Variants in COL19A1 observed in about 807,000 individuals in gnomAD.
The protein encoded by COL19A1 is collagen type XIX alpha 1 chain, also known as collagen alpha-1(XIX) chain.
A neutral mutation model predicts 190.2 loss-of-function variants in COL19A1; 159 were observed. That is an observed-to-expected ratio of 0.84 (90% CI 0.73 to 0.95). The LOEUF is 0.95. COL19A1 is among the 40% of genes least tolerant of loss of function. The pLI, the probability that COL19A1 is intolerant of heterozygous loss-of-function variation, is 0.00. For synonymous variants in COL19A1, 509 were observed against 458.9 expected, an observed-to-expected ratio of 1.11 and a Z score of -1.39; for missense variants, 1,418 against 1,431.9, an observed-to-expected ratio of 0.99 and a Z score of 0.16.
chr6:69,961,490 T>C (rs2150045775), intron 10 of COL19A1, among the ~76,000 whole-genome samples: 1 of 152,336 alleles, frequency 6.6e-6, no homozygotes, highest in African/African-American at 2.4e-5. Context: ...TGCATCATGC[T>C]GACATTGTGG....
intron 11 of COL19A1, among the ~76,000 whole-genome samples, chr6:69,991,015 A>G (rs1776591148): frequency 6.6e-6 from 1 of 152,026 alleles, no homozygotes; most frequent in South Asian, 2.1e-4. Context: ...AATACCTGAT[A>G]GATAGTTTTG....
chr6:70,119,586 T>G (rs1784765695), intron 16 of COL19A1, among the ~76,000 whole-genome samples: 3 of 152,022 alleles, frequency 2.0e-5, no homozygotes, highest in Admixed American at 2.0e-4. Context: ...GATAGTAGAG[T>G]AGACGAGAAC....
intron 42 of COL19A1, among the ~76,000 whole-genome samples, chr6:70,178,916 C>T (rs73746892): frequency 4.5e-4 from 69 of 152,316 alleles, no homozygotes; most frequent in African/African-American, 1.6e-3. Flanking sequence ...CTCCGGTCAG[C>T]ATGCTCTCCC....
chr6:70,130,574 C>G (rs1360780503), intron 18 of COL19A1, among the ~76,000 whole-genome samples: 1 of 152,200 alleles, frequency 6.6e-6, no homozygotes, highest in Non-Finnish European at 1.5e-5. Flanking sequence ...TTTATACGGA[C>G]TTACACATTC....
intron 6 of COL19A1, 33 bp from the exon 7 acceptor site, chr6:69,932,750 T>G: frequency 7.4e-7 from 1 of 1,353,046 alleles, no homozygotes; most frequent in Non-Finnish European, 1.0e-6. Context: ...TCCAAAAAAC[T>G]AAAGATGTTT....
chr6:69,881,904 C>T (rs1768582786), intron 2 of COL19A1, among the ~76,000 whole-genome samples: 1 of 152,168 alleles, frequency 6.6e-6, no homozygotes, highest in Admixed American at 6.5e-5. Flanking sequence ...TGGGCATGGC[C>T]TGGAAGGAGA....
chr6:69,927,018 C>T (rs932337943), intron 4 of COL19A1, among the ~76,000 whole-genome samples: 10 of 151,942 alleles, frequency 6.6e-5, no homozygotes, highest in Non-Finnish European at 1.3e-4. Context: ...CTATATCCAG[C>T]AAAACTATCC....
At chr6:69,879,704 C>T in intron 2 of COL19A1, 46 bp downstream of exon 2, 4 of 1,533,148 alleles carry the variant, frequency 2.6e-6, no homozygotes, top group Non-Finnish European at 3.6e-6. Context: ...TTATTTATAG[C>T]CTTTAAGTCA....
At chr6:69,894,323 C>A (rs998158125) in intron 2 of COL19A1, among the ~76,000 whole-genome samples, 2 of 152,160 alleles carry the variant, frequency 1.3e-5, no homozygotes, top group African/African-American at 4.8e-5. Context: ...CCTGGTTATT[C>A]CATATGTCCC....
intron 11 of COL19A1, among the ~76,000 whole-genome samples, chr6:69,968,359 ATG>A (rs1345764782): frequency 6.6e-6 from 1 of 152,168 alleles, no homozygotes; most frequent in Non-Finnish European, 1.5e-5. Flanking sequence ...CAATTATGAT[ATG>A]TCTCATATAG....
intron 4 of COL19A1, among the ~76,000 whole-genome samples, chr6:69,920,685 A>G (rs1771639547): frequency 6.6e-6 from 1 of 152,002 alleles, no homozygotes. Context: ...TCATAGGCCC[A>G]TGAATATCTA....
chr6:70,125,325 A>C (rs1785131368), intron 17 of COL19A1, among the ~76,000 whole-genome samples: 1 of 152,230 alleles, frequency 6.6e-6, no homozygotes, highest in Non-Finnish European at 1.5e-5. Flanking sequence ...TGGCTTCAAC[A>C]GTCACACAGC....
intron 13 of COL19A1, among the ~76,000 whole-genome samples, chr6:70,034,716 A>C (rs1779256634): frequency 1.3e-5 from 2 of 152,310 alleles, no homozygotes; most frequent in African/African-American, 4.8e-5. Flanking sequence ...TTTTTCTCAT[A>C]AAATAAGTTA....
chr6:69,971,496 G>A (rs1052476201), intron 11 of COL19A1, among the ~76,000 whole-genome samples: 1 of 152,114 alleles, frequency 6.6e-6, no homozygotes, highest in African/African-American at 2.4e-5. Flanking sequence ...AGCTGGAGAG[G>A]GTGTGAGTCA....
intron 11 of COL19A1, among the ~76,000 whole-genome samples, chr6:70,022,331 A>G (rs1270624291): frequency 1.3e-5 from 2 of 151,904 alleles, no homozygotes; most frequent in Non-Finnish European, 2.9e-5. Context: ...TTGTACAGCT[A>G]ATACGTATTT....
At chr6:70,157,764 G>A (rs910872232) in intron 34 of COL19A1, among the ~76,000 whole-genome samples, 1 of 152,052 alleles carries the variant, frequency 6.6e-6, no homozygotes, top group African/African-American at 2.4e-5. Context: ...TAAAGTACAA[G>A]CACAATAACT....
At chr6:69,879,257 T>G (rs1768339344) in intron 1 of COL19A1, among the ~76,000 whole-genome samples, 1 of 152,176 alleles carries the variant, frequency 6.6e-6, no homozygotes. Flanking sequence ...TTAAGTGTAG[T>G]TGCTTAAAAA....
intron 25 of COL19A1, among the ~76,000 whole-genome samples, chr6:70,145,794 C>A (rs972883878): frequency 1.4e-5 from 2 of 140,002 alleles, no homozygotes; most frequent in Non-Finnish European, 3.0e-5. Context: ...AATTATGGAT[C>A]ACTGCAGCCT....
intron 11 of COL19A1, among the ~76,000 whole-genome samples, chr6:69,984,627 C>T (rs1432432120): frequency 6.6e-6 from 1 of 152,004 alleles, no homozygotes; most frequent in African/African-American, 2.4e-5. Flanking sequence ...AATCTTTTGC[C>T]TGAAGTTTCT....
Sources: gnomAD v4.1 joint callset for allele counts (sites outside exome capture counted in the v4.1 genomes callset) on GRCh38, gnomAD v4.1.1 for gene constraint, MANE v1.5 for transcripts, NCBI Gene and HGNC (gene_info 2026-07-23, HGNC 2026-07-21) for gene names.